Variants in KIAA1549L observed in about 807,000 individuals in gnomAD.
KIAA1549L encodes UPF0606 protein KIAA1549L.
A neutral mutation model predicts 160.7 loss-of-function variants in KIAA1549L; 88 were observed. The ratio of observed to expected loss-of-function variants is 0.55; its 90% CI spans 0.46 to 0.65. The LOEUF (loss-of-function observed/expected upper bound fraction) is 0.65. KIAA1549L is among the 30% of genes least tolerant of loss of function. The pLI is 0.00. For synonymous variants in KIAA1549L, 950 were observed against 976.7 expected, an observed-to-expected ratio of 0.97 and a Z score of 0.51; for missense variants, 2,258 against 2,437.5, an observed-to-expected ratio of 0.93 and a Z score of 1.55.
intron 1 of KIAA1549L, among the ~76,000 whole-genome samples, chr11:33,412,896 G>T (rs562621670): frequency 6.6e-6 from 1 of 152,198 alleles, no homozygotes; most frequent in African/African-American, 2.4e-5. Context: ...TAAATAACTT[G>T]CCTGAGCTAG....
At chr11:33,484,246 C>T (rs1259623962) in intron 1 of KIAA1549L, among the ~76,000 whole-genome samples, 1 of 152,152 alleles carries the variant, frequency 6.6e-6, no homozygotes, top group African/African-American at 2.4e-5. Flanking sequence ...ACTCTGTAAC[C>T]ATTTGTTGAT....
chr11:33,544,683 C>T, intron 2 of KIAA1549L, 84 bp from the exon 3 acceptor site: 3 of 1,499,028 alleles, frequency 2.0e-6, no homozygotes, highest in East Asian at 2.3e-5. Flanking sequence ...CTAGCAAATC[C>T]ATAAGTTACA....
intron 1 of KIAA1549L, among the ~76,000 whole-genome samples, chr11:33,539,198 A>T (rs1307272312): frequency 6.6e-6 from 1 of 152,218 alleles, no homozygotes; most frequent in Non-Finnish European, 1.5e-5. Context: ...AATATTTCTG[A>T]GAAATATCCC....
intron 17 of KIAA1549L, among the ~76,000 whole-genome samples, chr11:33,653,272 T>C (rs1435176684): frequency 2.6e-5 from 4 of 152,200 alleles, no homozygotes; most frequent in African/African-American, 9.7e-5. Context: ...TTAGCATACA[T>C]TGTTTACTGA....
intron 13 of KIAA1549L, among the ~76,000 whole-genome samples, chr11:33,605,609 ATGATAAG>A (rs923162102): frequency 6.6e-6 from 1 of 152,264 alleles, no homozygotes; most frequent in African/African-American, 2.4e-5. Context: ...TTCTGTGATT[ATGATAAG>A]TGACAGAATG....
chr11:33,584,894 A>C, intron 11 of KIAA1549L, among the ~76,000 whole-genome samples: 1 of 152,192 alleles, frequency 6.6e-6, no homozygotes, highest in East Asian at 1.9e-4. Flanking sequence ...GGAATGAAAT[A>C]GTGAGGCAAC....
intron 1 of KIAA1549L, among the ~76,000 whole-genome samples, chr11:33,475,696 A>C (rs951592394): frequency 4.5e-4 from 28 of 62,690 alleles, no homozygotes; most frequent in Non-Finnish European, 6.9e-4. Context: ...TCGCTCTCTC[A>C]AAAAAAAAAA....
chr11:33,394,326 C>T (rs1850326290), intron 1 of KIAA1549L, among the ~76,000 whole-genome samples: 1 of 152,056 alleles, frequency 6.6e-6, no homozygotes, highest in Non-Finnish European at 1.5e-5. Flanking sequence ...GCAGAGGCTG[C>T]AGTGATCTGA....
chr11:33,454,096 C>G (rs895979225), intron 1 of KIAA1549L, among the ~76,000 whole-genome samples: 4 of 152,196 alleles, frequency 2.6e-5, no homozygotes, highest in African/African-American at 9.7e-5. Context: ...ACTAAAATAC[C>G]TGACCCATCT....
chr11:33,637,321 C>T (rs1166497019), intron 16 of KIAA1549L, among the ~76,000 whole-genome samples: 1 of 152,234 alleles, frequency 6.6e-6, no homozygotes, highest in African/African-American at 2.4e-5. Context: ...AGGTTACGGC[C>T]AGAGCCGCAA....
At chr11:33,419,976 C>T (rs1238066062) in intron 1 of KIAA1549L, among the ~76,000 whole-genome samples, 1 of 152,004 alleles carries the variant, frequency 6.6e-6, no homozygotes, top group African/African-American at 2.4e-5. Context: ...TAATATTAGG[C>T]TTCCTTGTAA....
At chr11:33,526,133 C>T (rs753506911) in intron 1 of KIAA1549L, among the ~76,000 whole-genome samples, 1 of 152,166 alleles carries the variant, frequency 6.6e-6, no homozygotes, top group Non-Finnish European at 1.5e-5. Flanking sequence ...ACTTGGCCAA[C>T]ATAGGGCAAG....
intron 8 of KIAA1549L, among the ~76,000 whole-genome samples, chr11:33,567,040 G>C (rs535505759): frequency 6.6e-6 from 1 of 152,268 alleles, no homozygotes; most frequent in Admixed American, 6.5e-5. Context: ...AGGGTAGACA[G>C]AAAAAGGGAG....
chr11:33,390,634 TC>T (rs1388677828), intron 1 of KIAA1549L, among the ~76,000 whole-genome samples: 2 of 152,194 alleles, frequency 1.3e-5, no homozygotes, highest in Non-Finnish European at 2.9e-5. Context: ...CTTAGCCTGA[TC>T]CCCCTTTCAC....
chr11:33,478,026 G>A (rs1396061615), intron 1 of KIAA1549L, among the ~76,000 whole-genome samples: 1 of 152,226 alleles, frequency 6.6e-6, no homozygotes, highest in African/African-American at 2.4e-5. Context: ...AAGGCTTATG[G>A]TCCAGCCAGA....
In KIAA1549L at chr11:33,422,572, C is replaced by G. The variant is rs1458308345; in HGVS notation, c.238+45683C>G. On this transcript the variant is annotated intron_variant, in intron 1 of 20. Coordinates refer to ENST00000658780, the MANE Select transcript of KIAA1549L (RefSeq NM_012194.3). ...CTTCCCCCCCTCCTCTCCCTCCCTC[C>G]CTCCTTCCTTCCTTCCCTCCTTTCT... Among the ~76,000 whole-genome samples, 2 of 129,638 alleles carry G rather than the reference C, an allele frequency of 1.5e-5. 1 individual carries two copies. Among genetic ancestry groups the G allele is most frequent in the Non-Finnish European group, 3.3e-5 (2 of 61,218 alleles). The allele number at this position is 129,638 out of a possible 152,430, so 85.0% of individuals were successfully genotyped here. A position where few individuals can be genotyped will look rare whatever the true frequency, so the allele number is the denominator to read the frequency against.
Position 33,609,974 on chromosome 11 carries a change from C to A in KIAA1549L, c.5279+8C>A. On this transcript the variant is annotated splice_region_variant and intron_variant, in intron 15 of 20. Transcript: ENST00000658780. ...CACCGAGTCTAAAAACAGGTGCAGT[C>A]TCTAAGGGATTCTGTAAAGGGTGCT... The A allele has an allele frequency of 6.2e-7, 1 of 1,608,232 alleles. No homozygotes were observed. The highest frequency in any genetic ancestry group is 1.1e-5 in the South Asian group (1 of 90,748).
chr11:33,453,600 T>C (rs1851765050), intron 1 of KIAA1549L, among the ~76,000 whole-genome samples: 2 of 152,208 alleles, frequency 1.3e-5, no homozygotes, highest in Admixed American at 6.5e-5. Context: ...CTAGAATCTT[T>C]CTGGGTCACC....
At chr11:33,521,255 C>T (rs1038896004) in intron 1 of KIAA1549L, among the ~76,000 whole-genome samples, 3 of 152,204 alleles carry the variant, frequency 2.0e-5, no homozygotes, top group Non-Finnish European at 4.4e-5. Context: ...CCTCATCTTA[C>T]GTGCTGCTCT....
Sources: gnomAD v4.1 joint callset for allele counts (sites outside exome capture counted in the v4.1 genomes callset) on GRCh38, gnomAD v4.1.1 for gene constraint, MANE v1.5 for transcripts, NCBI Gene and HGNC (gene_info 2026-07-23, HGNC 2026-07-21) for gene names.